RIMS2: variants seen among roughly 807,000 people sequenced by gnomAD.
RIMS2 encodes regulating synaptic membrane exocytosis protein 2.
RIMS2 carries 59 observed loss-of-function variants against 174.4 expected under a neutral mutation model. The ratio of observed to expected loss-of-function variants is 0.34; its 90% CI spans 0.27 to 0.42. The LOEUF is 0.42. RIMS2 is among the 10% of genes least tolerant of loss of function. RIMS2 has a pLI of 1.00. For synonymous variants in RIMS2, 606 were observed against 572.5 expected (o/e 1.06, Z -0.84); for missense variants, 1,620 against 1,666.3 (o/e 0.97, Z 0.48).
intron 3 of RIMS2, among the ~76,000 whole-genome samples, chr8:103,846,294 A>G (rs767363427): frequency 2.0e-5 from 3 of 152,210 alleles, no homozygotes; most frequent in African/African-American, 4.8e-5. Context: ...GTCTAAGACA[A>G]GAATTCAGGT....
At chr8:103,767,123 A>G (rs2098182288) in intron 3 of RIMS2, among the ~76,000 whole-genome samples, 1 of 152,002 alleles carries the variant, frequency 6.6e-6, no homozygotes, top group Non-Finnish European at 1.5e-5. Flanking sequence ...AAAATAGTAC[A>G]TAGGGCTCTT....
At chr8:103,552,279 G>T (rs892608770) in intron 1 of RIMS2, among the ~76,000 whole-genome samples, 4 of 152,088 alleles carry the variant, frequency 2.6e-5, no homozygotes, top group Non-Finnish European at 5.9e-5. Flanking sequence ...ACAGAACAGA[G>T]CCCTCAGAAA....
At chr8:103,997,652 C>T (rs1469835964) in intron 17 of RIMS2, among the ~76,000 whole-genome samples, 1 of 151,394 alleles carries the variant, frequency 6.6e-6, no homozygotes, top group East Asian at 1.9e-4. Context: ...ATGAATAGCA[C>T]CCAATAAATT....
In RIMS2 at chr8:104,218,622, C is replaced by T. The variant is rs142283515; in HGVS notation, c.3335-26294C>T. Among the ~76,000 whole-genome samples, 331 of 152,186 alleles carry T rather than the reference C, an allele frequency of 2.2e-3. 1 individual carries two copies. Among genetic ancestry groups the T allele is most frequent in the African/African-American group, 7.4e-3 (306 of 41,522 alleles). On this transcript the variant is annotated intron_variant, in intron 19 of 23. Coordinates refer to ENST00000504942, the Ensembl canonical transcript of RIMS2. ...CTTGTTTTCCTGTAACTAGACAGTC[C>T]TATCTCGGGGTGATGGGAGACAGTG... is the stretch of plus-strand genomic sequence containing the variant.
At chr8:103,963,026 T>C (rs569127303) in intron 15 of RIMS2, among the ~76,000 whole-genome samples, 3 of 152,260 alleles carry the variant, frequency 2.0e-5, no homozygotes, top group African/African-American at 7.2e-5. Context: ...TACATAAGAC[T>C]TATGATCACC....
intron 1 of RIMS2, among the ~76,000 whole-genome samples, chr8:103,613,579 A>G (rs1023546040): frequency 2.0e-5 from 3 of 152,200 alleles, no homozygotes; most frequent in East Asian, 1.9e-4. Flanking sequence ...AAGATGCAAG[A>G]CATAGTTTCC....
At chr8:103,772,643 A>G (rs748939207) in intron 3 of RIMS2, among the ~76,000 whole-genome samples, 14 of 152,176 alleles carry the variant, frequency 9.2e-5, no homozygotes, top group Non-Finnish European at 1.9e-4. Context: ...AAATGTTTGA[A>G]ATAACCAAAA....
intron 19 of RIMS2, among the ~76,000 whole-genome samples, chr8:104,170,889 T>G (rs931648412): frequency 1.2e-4 from 19 of 152,100 alleles, no homozygotes; most frequent in African/African-American, 4.3e-4. Context: ...TGAAAAAGAC[T>G]TTATCGCTCC....
At chr8:104,117,908 G>C (rs1199849433) in intron 19 of RIMS2, among the ~76,000 whole-genome samples, 1 of 152,074 alleles carries the variant, frequency 6.6e-6, no homozygotes, top group African/African-American at 2.4e-5. Flanking sequence ...ATAACTTAAG[G>C]CAATTCTTAA....
chr8:103,603,825 G>A (rs1442539027), intron 1 of RIMS2, among the ~76,000 whole-genome samples: 13 of 147,558 alleles, frequency 8.8e-5, no homozygotes, highest in African/African-American at 1.3e-4. Context: ...CATGTCCTTC[G>A]CCCACTTTTT....
chr8:103,834,742 T>TTCTTTCTTTCTCTCTC (rs1406395709), intron 3 of RIMS2, among the ~76,000 whole-genome samples: 27 of 109,572 alleles, frequency 2.5e-4, no homozygotes, highest in African/African-American at 1.2e-3. Flanking sequence ...CTTTCTTTCT[T>TTCTTTCTTTCTCTCTC]TCTCTCTCTT....
intron 14 of RIMS2, among the ~76,000 whole-genome samples, chr8:103,955,821 G>GT (rs1224341749): frequency 6.6e-6 from 1 of 152,168 alleles, no homozygotes; most frequent in Non-Finnish European, 1.5e-5. Context: ...ATCTCTGTTT[G>GT]CAGATGACAT....
chr8:103,701,697 G>A (rs900752661), intron 2 of RIMS2, among the ~76,000 whole-genome samples: 5 of 151,672 alleles, frequency 3.3e-5, no homozygotes, highest in East Asian at 3.9e-4. Flanking sequence ...TTGTCTTTCC[G>A]GGCCTGGCTT....
chr8:103,637,409 G>C (rs192005667), intron 1 of RIMS2, among the ~76,000 whole-genome samples: 1 of 152,210 alleles, frequency 6.6e-6, no homozygotes, highest in Non-Finnish European at 1.5e-5. Flanking sequence ...AATAATGCTG[G>C]CTTCACAAAC....
intron 3 of RIMS2, among the ~76,000 whole-genome samples, chr8:103,809,034 C>T (rs975278822): frequency 6.6e-6 from 1 of 152,124 alleles, no homozygotes; most frequent in African/African-American, 2.4e-5. Context: ...GATTAAAAAT[C>T]AGAATCTCAA....
At chr8:103,797,377 G>A (rs1564675420) in intron 3 of RIMS2, among the ~76,000 whole-genome samples, 1 of 152,076 alleles carries the variant, frequency 6.6e-6, no homozygotes, top group Non-Finnish European at 1.5e-5. Flanking sequence ...ACTTTTACAT[G>A]TTTGGGTCTA....
intron 3 of RIMS2, among the ~76,000 whole-genome samples, chr8:103,836,948 T>G (rs1409912942): frequency 6.6e-6 from 1 of 152,228 alleles, no homozygotes; most frequent in African/African-American, 2.4e-5. Context: ...GTGCAAAGAT[T>G]ATATGGAATT....
chr8:103,652,827 G>A, intron 1 of RIMS2, 117 bp downstream of exon 3: 1 of 512,644 alleles, frequency 2.0e-6, no homozygotes, highest in Non-Finnish European at 3.3e-6. Flanking sequence ...AAATTGTTCG[G>A]TTAGGGTTTG....
chr8:103,863,653 A>T (rs1283570898), intron 3 of RIMS2, among the ~76,000 whole-genome samples: 2 of 151,482 alleles, frequency 1.3e-5, no homozygotes, highest in Non-Finnish European at 1.5e-5. Flanking sequence ...TCAGGATTTA[A>T]TTTCTTCTGG....
Sources: gnomAD v4.1 joint callset for allele counts (sites outside exome capture counted in the v4.1 genomes callset) on GRCh38, gnomAD v4.1.1 for gene constraint, MANE v1.5 for transcripts, NCBI Gene and HGNC (gene_info 2026-07-23, HGNC 2026-07-21) for gene names.